FSTL4: variants seen among roughly 807,000 people sequenced by gnomAD.
FSTL4 encodes the protein follistatin like 4.
Under a neutral mutation model 78.2 loss-of-function variants are expected in FSTL4, and 28 were observed. The ratio of observed to expected loss-of-function variants is 0.36; its 90% CI spans 0.27 to 0.49. The LOEUF is 0.49. FSTL4 is among the 20% of genes least tolerant of loss of function. The pLI is 0.98. For synonymous variants in FSTL4, 422 were observed against 440.5 expected (o/e 0.96, Z 0.53); for missense variants, 922 against 1,084.9 (o/e 0.85, Z 2.11).
intron 3 of FSTL4, among the ~76,000 whole-genome samples, chr5:133,482,711 G>T (rs1267005564): frequency 6.6e-6 from 1 of 152,206 alleles, no homozygotes; most frequent in East Asian, 1.9e-4. Flanking sequence ...TAAGGAGAAG[G>T]TGTTGGTATG....
chr5:133,516,469 A>C (rs1758853144), intron 3 of FSTL4, among the ~76,000 whole-genome samples: 1 of 152,242 alleles, frequency 6.6e-6, no homozygotes, highest in Non-Finnish European at 1.5e-5. Flanking sequence ...ACCTATGAAG[A>C]AAATGACAGA....
chr5:133,730,124 A>G, the FSTL4 span, among the ~76,000 whole-genome samples: 2 of 152,218 alleles, frequency 1.3e-5, no homozygotes, highest in African/African-American at 4.8e-5. Context: ...TGGCTGAAGC[A>G]GTCCTTTTTG....
At chr5:133,710,004 C>T in the FSTL4 span, among the ~76,000 whole-genome samples, 1 of 152,190 alleles carries the variant, frequency 6.6e-6, no homozygotes, top group African/African-American at 2.4e-5. Flanking sequence ...TGTGTCTTTC[C>T]ATGCTCTGCA....
At chr5:133,779,979 G>A in the FSTL4 span, among the ~76,000 whole-genome samples, 1 of 152,150 alleles carries the variant, frequency 6.6e-6, no homozygotes, top group Middle Eastern at 3.2e-3. Context: ...TATCACCAAG[G>A]CCTACAGAGG....
chr5:133,427,758 C>T (rs1364221014), intron 3 of FSTL4: 2 of 489,170 alleles, frequency 4.1e-6, no homozygotes, highest in East Asian at 1.2e-4. Context: ...AGAAGCCCTA[C>T]AGGGTTGCAA....
intron 4 of FSTL4, 57 bp from the exon 5 acceptor site, chr5:133,316,709 A>G: frequency 7.0e-7 from 1 of 1,429,298 alleles, no homozygotes; most frequent in Non-Finnish European, 9.7e-7. Context: ...TTGAGAGAAC[A>G]TTCTTGCCGC....
chr5:133,439,340 A>G (rs939475348), intron 3 of FSTL4, among the ~76,000 whole-genome samples: 1 of 152,092 alleles, frequency 6.6e-6, no homozygotes, highest in African/African-American at 2.4e-5. Context: ...CCGGGCCCAA[A>G]CTTGCCAATA....
intron 8 of FSTL4, 63 bp downstream of exon 8, chr5:133,233,354 T>C (rs1278000450): frequency 4.4e-6 from 7 of 1,583,518 alleles, no homozygotes; most frequent in Non-Finnish European, 6.1e-6. Context: ...GGGGCGAGGG[T>C]TGATCTGAGC....
At chr5:133,239,524 A>C (rs1365028745) in intron 7 of FSTL4, among the ~76,000 whole-genome samples, 1 of 152,130 alleles carries the variant, frequency 6.6e-6, no homozygotes, top group African/African-American at 2.4e-5. Context: ...CAACACACGA[A>C]TCAGCACCCT....
At chr5:133,566,516 T>C (rs1260012969) in intron 3 of FSTL4, among the ~76,000 whole-genome samples, 1 of 152,198 alleles carries the variant, frequency 6.6e-6, no homozygotes, top group Non-Finnish European at 1.5e-5. Context: ...AAAAAGATGA[T>C]TGTTAATGAT....
At chr5:133,837,770 T>C in the FSTL4 span, among the ~76,000 whole-genome samples, 1 of 152,244 alleles carries the variant, frequency 6.6e-6, no homozygotes, top group Non-Finnish European at 1.5e-5. Context: ...ATCTCAGGCA[T>C]TTCGAGCCAC....
chr5:133,741,386 C>A, the FSTL4 span, among the ~76,000 whole-genome samples: 1 of 152,252 alleles, frequency 6.6e-6, no homozygotes, highest in African/African-American at 2.4e-5. Context: ...CCAGCCCCAC[C>A]TTGAGGAAAG....
chr5:133,448,640 T>C (rs1437090945), intron 3 of FSTL4, among the ~76,000 whole-genome samples: 1 of 143,366 alleles, frequency 7.0e-6, no homozygotes, highest in East Asian at 2.1e-4. Context: ...GGGAACACAC[T>C]AACGTCCCCA....
intron 3 of FSTL4, among the ~76,000 whole-genome samples, chr5:133,519,899 C>T (rs73788119): frequency 0.012 from 1,832 of 152,250 alleles, 39 homozygotes; most frequent in African/African-American, 0.042. Flanking sequence ...CCTAGCAAGG[C>T]GAGCTACAGA....
At chr5:133,439,421 G>A (rs1757103660) in intron 3 of FSTL4, among the ~76,000 whole-genome samples, 1 of 152,186 alleles carries the variant, frequency 6.6e-6, no homozygotes, top group Non-Finnish European at 1.5e-5. Context: ...CTCTGGGTGG[G>A]ACTGCGATTG....
At chr5:133,601,683 TTTC>T (rs1760872864) in intron 2 of FSTL4, among the ~76,000 whole-genome samples, 1 of 148,114 alleles carries the variant, frequency 6.8e-6, no homozygotes, top group Non-Finnish European at 1.5e-5. Flanking sequence ...TTTTTCTTTC[TTTC>T]TTTTTTTTTT....
intron 6 of FSTL4, among the ~76,000 whole-genome samples, chr5:133,286,652 T>A (rs982219343): frequency 1.3e-5 from 2 of 152,150 alleles, no homozygotes; most frequent in African/African-American, 4.8e-5. Flanking sequence ...ACTATGCATC[T>A]GAAGCAAGGT....
At chr5:133,787,332 G>A in the FSTL4 span, among the ~76,000 whole-genome samples, 1 of 152,186 alleles carries the variant, frequency 6.6e-6, no homozygotes, top group African/African-American at 2.4e-5. Context: ...TGGGACTACA[G>A]GGACTGCCTT....
rs375514256 is a variant in FSTL4, at chr5:133,561,954, A to G, written c.160+5232T>C. 5.3e-5 allele frequency among the ~76,000 whole-genome samples: 8 copies of G among 152,190 alleles called. No individual in the cohort carries two copies. In the East Asian group the frequency reaches 1.5e-3, roughly 29 times the overall value. ...GCTGAAACAAGGCAACGCAACCCAG[A>G]AAGAGCCAATTTCTGTGAGGTTGGG... On this transcript the variant is annotated intron_variant, in intron 3 of 15. Coordinates refer to ENST00000265342, the MANE Select transcript of FSTL4 (RefSeq NM_015082.2).
Sources: gnomAD v4.1 joint callset for allele counts (sites outside exome capture counted in the v4.1 genomes callset) on GRCh38, gnomAD v4.1.1 for gene constraint, MANE v1.5 for transcripts, NCBI Gene and HGNC (gene_info 2026-07-23, HGNC 2026-07-21) for gene names.